Variants in GPHN observed in about 807,000 individuals in gnomAD.
GPHN encodes gephyrin.
GPHN carries 17 observed loss-of-function variants against 95.5 expected under a neutral mutation model. The observed-to-expected ratio is 0.18, with a 90% confidence interval of 0.12 to 0.27. GPHN has a LOEUF of 0.27. GPHN is among the 10% of genes least tolerant of loss of function. GPHN has a pLI of 1.00. For synonymous variants in GPHN, 320 were observed against 322.5 expected (o/e 0.99, Z 0.08); for missense variants, 660 against 978.1 (o/e 0.67, Z 4.34).
chr14:67,167,125 A>G (rs1011429487), intron 20 of GPHN, among the ~76,000 whole-genome samples: 4 of 152,202 alleles, frequency 2.6e-5, no homozygotes, highest in Admixed American at 2.6e-4. Flanking sequence ...CATGCTCACT[A>G]TTGTAAAAAT....
the GPHN span, chr14:67,382,803 G>T: frequency 1.8e-6 from 1 of 549,322 alleles, no homozygotes; most frequent in Admixed American, 3.4e-5. Context: ...GTTTGAATTT[G>T]CATGTGGCAT....
chr14:67,418,354 G>T, the GPHN span, among the ~76,000 whole-genome samples: 1 of 152,152 alleles, frequency 6.6e-6, no homozygotes, highest in Non-Finnish European at 1.5e-5. Context: ...TTCCTGTGAT[G>T]AAATCCTTTC....
chr14:67,587,027 C>G, the GPHN span: 1 of 1,535,390 alleles, frequency 6.5e-7, no homozygotes, highest in Non-Finnish European at 8.8e-7. Flanking sequence ...AGCCAGGATT[C>G]AAGCCAAGGC....
chr14:67,605,872 G>A, the GPHN span, among the ~76,000 whole-genome samples: 5 of 151,934 alleles, frequency 3.3e-5, no homozygotes, highest in East Asian at 3.9e-4. Flanking sequence ...TAGTAGAGAC[G>A]AGGTTTTACC....
the GPHN span, among the ~76,000 whole-genome samples, chr14:67,332,469 TG>T: frequency 1.3e-5 from 2 of 152,218 alleles, no homozygotes. Context: ...AACAAATGTT[TG>T]TAGGGAAACA....
intron 1 of GPHN, among the ~76,000 whole-genome samples, chr14:66,517,821 A>C (rs2058309952): frequency 6.6e-6 from 1 of 152,176 alleles, no homozygotes; most frequent in South Asian, 2.1e-4. Flanking sequence ...CATGTAAGAC[A>C]GGAAACTATG....
At chr14:66,532,616 T>G (rs1178364844) in intron 1 of GPHN, among the ~76,000 whole-genome samples, 3 of 152,184 alleles carry the variant, frequency 2.0e-5, no homozygotes, top group Non-Finnish European at 4.4e-5. Context: ...TGGTTGCAAG[T>G]GACAACTCAA....
the GPHN span, among the ~76,000 whole-genome samples, chr14:67,259,167 A>G: frequency 6.6e-6 from 1 of 151,896 alleles, no homozygotes; most frequent in Non-Finnish European, 1.5e-5. Flanking sequence ...ACATTGTCAT[A>G]AATGGTACCC....
Position 66,789,210 on chromosome 14 carries a change from C to G in GPHN, c.201+12689C>G, listed in dbSNP as rs113482126. Among the ~76,000 whole-genome samples, 469 of 152,230 alleles carry G rather than the reference C, an allele frequency of 3.1e-3. 11 individuals are homozygous for G. The highest frequency in any genetic ancestry group is 0.011 in the African/African-American group (444 of 41,552). On this transcript the variant is annotated intron_variant, in intron 3 of 22. Transcript: ENST00000478722. ...AATTTGTTCAAACCTTCATCTTTAT[C>G]CTAACTTAAAACAATCCTTTAATAT...
chr14:67,159,233 A>G (rs1250033318), intron 18 of GPHN, among the ~76,000 whole-genome samples, 182 bp from the exon 19 acceptor site: 14 of 152,218 alleles, frequency 9.2e-5, no homozygotes, highest in African/African-American at 2.2e-4. Flanking sequence ...GTAACTATTT[A>G]TTGAATGAAT....
chr14:67,435,668 C>T, the GPHN span, among the ~76,000 whole-genome samples: 29 of 152,324 alleles, frequency 1.9e-4, no homozygotes, highest in South Asian at 4.8e-3. Context: ...ATCTCCAGAA[C>T]GCTTGCCTCA....
chr14:67,165,350 C>A lies in GPHN; in HGVS notation c.1975+124C>A, dbSNP rs183851004. ...GGGCTCAAGTCTCAGCTTTTCTAAACGACCAATCACTTAACCTCTCTAGGA... is the reference window on the plus strand; with the variant it reads ...GGGCTCAAGTCTCAGCTTTTCTAAAAGACCAATCACTTAACCTCTCTAGGA... On this transcript the variant is annotated intron_variant, in intron 20 of 22. Transcript: ENST00000478722. 3.5e-5 allele frequency: 24 copies of A among 695,278 alleles called. No homozygotes were observed. In the African/African-American group the frequency reaches 4.1e-4, roughly 12 times the overall value. The allele number at this position is 695,278 out of a possible 1,614,324, so 43.1% of individuals were successfully genotyped here.
chr14:67,631,668 G>A, the GPHN span, among the ~76,000 whole-genome samples: 2 of 152,120 alleles, frequency 1.3e-5, no homozygotes, highest in Non-Finnish European at 2.9e-5. Flanking sequence ...CTGGCCTCAT[G>A]TGATCCTCCT....
intron 5 of GPHN, among the ~76,000 whole-genome samples, chr14:66,892,034 G>T (rs1362311541): frequency 6.6e-6 from 1 of 152,142 alleles, no homozygotes; most frequent in Non-Finnish European, 1.5e-5. Context: ...GTAAAACTGT[G>T]CAACTGCTAT....
At chr14:67,677,666 A>G in the GPHN span, 1 of 152,100 alleles carries the variant, frequency 6.6e-6, no homozygotes, top group East Asian at 1.9e-4. Context: ...TTTCATTTGC[A>G]TAAAGACTGG....
At chr14:67,239,501 AAAG>A in the GPHN span, among the ~76,000 whole-genome samples, 1 of 152,196 alleles carries the variant, frequency 6.6e-6, no homozygotes, top group African/African-American at 2.4e-5. Flanking sequence ...TAAGCTAGAG[AAAG>A]AAGAATTCAT....
chr14:67,120,258 CTG>C (rs1428807055), intron 16 of GPHN, among the ~76,000 whole-genome samples: 4 of 151,850 alleles, frequency 2.6e-5, no homozygotes, highest in Admixed American at 6.6e-5. Context: ...TCTTTTGAAA[CTG>C]TAATAAATTT....
the GPHN span, among the ~76,000 whole-genome samples, chr14:67,368,375 A>G: frequency 6.6e-6 from 1 of 152,184 alleles, no homozygotes; most frequent in Admixed American, 6.5e-5. Context: ...AAGGCATGCT[A>G]CCAAGCAAGC....
chr14:67,290,567 T>C, the GPHN span, among the ~76,000 whole-genome samples: 1 of 152,222 alleles, frequency 6.6e-6, no homozygotes. Context: ...TTAAAAATTA[T>C]TGTTATTTTA....
Sources: gnomAD v4.1 joint callset for allele counts (sites outside exome capture counted in the v4.1 genomes callset) on GRCh38, gnomAD v4.1.1 for gene constraint, MANE v1.5 for transcripts, NCBI Gene and HGNC (gene_info 2026-07-23, HGNC 2026-07-21) for gene names.